Variants in C8orf74 observed in about 807,000 individuals in gnomAD.
C8orf74 encodes uncharacterized protein C8orf74.
A neutral mutation model predicts 22.2 loss-of-function variants in C8orf74; 29 were observed. That is an observed-to-expected ratio of 1.31 (90% CI 0.97 to 1.78). C8orf74 has a LOEUF of 1.78. Ranked by LOEUF, C8orf74 falls within the 40% of genes most tolerant of loss-of-function variation. The pLI is 0.00. For synonymous variants in C8orf74, 255 were observed against 163.1 expected, an observed-to-expected ratio of 1.56 and a Z score of -4.30; for missense variants, 515 against 369.9, an observed-to-expected ratio of 1.39 and a Z score of -3.22.
In C8orf74 at chr8:10,697,955, G is replaced by T; in HGVS notation, c.598G>T (p.Ala200Ser). Residue 200 changes from alanine (A) to serine (S), a missense_variant, in exon 3 of 4, where the codon GCG (alanine) becomes TCG (serine). By Grantham distance (99) the Ala-to-Ser change is moderately conservative. Coordinates refer to ENST00000304519, the MANE Select transcript of C8orf74 (RefSeq NM_001040032.2). ...GGAGCGGGAGAACTCGCTGCAGAAG[G>T]CGTTCGCTGCCGCCGCGCCTGCGCA... ...RLERENSLQKAFAAAAPAQPG... is the reference protein window; with the variant it reads ...RLERENSLQKSFAAAAPAQPG... The T allele has an allele frequency of 2.6e-6, 4 of 1,552,426 alleles. No homozygotes were observed. The highest frequency in any genetic ancestry group is 3.5e-6 in the Non-Finnish European group (4 of 1,151,910).
At chr8:10,696,171 A>G (rs1799492895) in intron 2 of C8orf74, among the ~76,000 whole-genome samples, 1 of 151,940 alleles carries the variant, frequency 6.6e-6, no homozygotes, top group Non-Finnish European at 1.5e-5. Context: ...CAAGCAGATG[A>G]TGGGAGAGCC....
intron 2 of C8orf74, chr8:10,691,520 G>C (rs1226638841): frequency 6.4e-6 from 1 of 156,232 alleles, no homozygotes; most frequent in Non-Finnish European, 1.4e-5. Context: ...CTTCTGGCAA[G>C]TTCAGAGAAG....
At chr8:10,687,326 T>C in intron 2 of C8orf74, 3 of 316,556 alleles carry the variant, frequency 9.5e-6, no homozygotes, top group Admixed American at 8.9e-5. Flanking sequence ...TATGCAATGG[T>C]TTTTATTAAA....
At chr8:10,676,447 A>G (rs1318747427) in intron 2 of C8orf74, among the ~76,000 whole-genome samples, 1 of 152,032 alleles carries the variant, frequency 6.6e-6, no homozygotes, top group Non-Finnish European at 1.5e-5. Context: ...CAAATCTTGC[A>G]TTCTGCAATC....
intron 2 of C8orf74, among the ~76,000 whole-genome samples, chr8:10,686,199 C>A (rs1799259054): frequency 6.6e-6 from 1 of 152,162 alleles, no homozygotes; most frequent in African/African-American, 2.4e-5. Flanking sequence ...CATATATCTT[C>A]CATTCACTCC....
chr8:10,681,346 G>T (rs1799144072), intron 2 of C8orf74, among the ~76,000 whole-genome samples: 1 of 152,164 alleles, frequency 6.6e-6, no homozygotes, highest in South Asian at 2.1e-4. Context: ...CCGGGTCAAG[G>T]GTGAAGCCAC....
intron 2 of C8orf74, among the ~76,000 whole-genome samples, chr8:10,695,316 C>G (rs560460846): frequency 6.6e-6 from 1 of 152,226 alleles, no homozygotes; most frequent in South Asian, 2.1e-4. Flanking sequence ...TATCTCAGAC[C>G]TCCAAACCCA....
intron 2 of C8orf74, among the ~76,000 whole-genome samples, chr8:10,677,739 G>A (rs1799062906): frequency 6.6e-6 from 1 of 152,084 alleles, no homozygotes; most frequent in South Asian, 2.1e-4. Flanking sequence ...CAATCGGTGA[G>A]GTGGTCAGGG....
At chr8:10,682,760 G>C (rs562242243) in intron 2 of C8orf74, among the ~76,000 whole-genome samples, 1 of 152,176 alleles carries the variant, frequency 6.6e-6, no homozygotes, top group Non-Finnish European at 1.5e-5. Context: ...CGGGTGAGCC[G>C]GTGACAGTAA....
At chr8:10,681,431 C>T in intron 2 of C8orf74, among the ~76,000 whole-genome samples, 1 of 152,218 alleles carries the variant, frequency 6.6e-6, no homozygotes, top group Middle Eastern at 3.4e-3. Flanking sequence ...GAAGGGGGCA[C>T]AGTTTGCCAG....
rs550754752 is a variant in C8orf74 at position 10,683,805 on chromosome 8, G to C, written c.241+8967G>C. On this transcript the variant is annotated intron_variant, in intron 2 of 3. Transcript: ENST00000304519. ...GAGCATCTGAGGCCCTCAGCTGTGA[G>C]ACTGATGGGGAATGCCTCCTCACTT... is the stretch of plus-strand genomic sequence containing the variant. Among the ~76,000 whole-genome samples, 136 of 152,364 alleles carry C rather than the reference G, an allele frequency of 8.9e-4. 2 individuals carry two copies. The highest frequency in any genetic ancestry group is 3.4e-3 in the Middle Eastern group (1 of 294).
chr8:10,674,914 C>G, intron 2 of C8orf74, 76 bp downstream of exon 2: 1 of 1,283,598 alleles, frequency 7.8e-7, no homozygotes, highest in Non-Finnish European at 1.1e-6. Context: ...CCCTGCCGTC[C>G]ACAGCCCCAG....
At chr8:10,691,175 G>A (rs1429537918) in intron 2 of C8orf74, 4 of 348,562 alleles carry the variant, frequency 1.1e-5, no homozygotes, top group South Asian at 8.8e-5. Context: ...ATTCAGCCCA[G>A]GGACTCCTTC....
intron 3 of C8orf74, 36 bp downstream of exon 3, chr8:10,698,041 G>A (rs571818155): frequency 6.9e-7 from 1 of 1,439,538 alleles, no homozygotes; most frequent in Non-Finnish European, 9.1e-7. Context: ...GTGGGCACCT[G>A]GGCCTGCAGA....
intron 3 of C8orf74, among the ~76,000 whole-genome samples, 186 bp from the exon 4 acceptor site, chr8:10,700,049 C>G (rs543476964): frequency 5.1e-4 from 77 of 152,322 alleles, no homozygotes; most frequent in Admixed American, 1.2e-3. Context: ...TCCCCACCCT[C>G]AGACCTCCCG....
chr8:10,685,125 G>C (rs946621504), intron 2 of C8orf74, among the ~76,000 whole-genome samples: 2 of 152,182 alleles, frequency 1.3e-5, no homozygotes, highest in African/African-American at 4.8e-5. Context: ...TTGGACTACG[G>C]TTGACCACAG....
intron 2 of C8orf74, 104 bp from the exon 3 acceptor site, chr8:10,697,495 C>A: frequency 1.1e-6 from 1 of 921,564 alleles, no homozygotes; most frequent in Non-Finnish European, 1.7e-6. Context: ...GCAGTGGGGA[C>A]ATGGGCTCTG....
intron 2 of C8orf74, among the ~76,000 whole-genome samples, chr8:10,693,510 C>T (rs1433092254): frequency 6.6e-6 from 1 of 152,208 alleles, no homozygotes; most frequent in Non-Finnish European, 1.5e-5. Flanking sequence ...AACACCTCCA[C>T]CTTGACATAT....
intron 1 of C8orf74, 34 bp from the exon 2 acceptor site, chr8:10,674,612 T>A (rs1798989746): frequency 2.8e-6 from 4 of 1,440,872 alleles, no homozygotes; most frequent in African/African-American, 1.5e-5. Flanking sequence ...AACCCCCACA[T>A]CATACCCTGC....
Sources: allele counts gnomAD v4.1 joint callset (sites outside exome capture counted in the v4.1 genomes callset), GRCh38; gene constraint gnomAD v4.1.1; transcripts MANE v1.5; gene names NCBI Gene and HGNC (gene_info 2026-07-23, HGNC 2026-07-21).